Variants in MAP7 observed in about 807,000 individuals in gnomAD.
The protein encoded by MAP7 is microtubule associated protein 7.
Under a neutral mutation model 94.8 loss-of-function variants are expected in MAP7, and 52 were observed. The ratio of observed to expected loss-of-function variants is 0.55; its 90% CI spans 0.44 to 0.69. The LOEUF is 0.69. MAP7 is among the 30% of genes least tolerant of loss of function. The probability of loss-of-function intolerance (pLI) is 0.00; values close to 1 mark genes in which losing one functional copy is unlikely to be tolerated. For missense variants in MAP7, 940 were observed against 964.6 expected (o/e 0.97, Z 0.34); for synonymous variants, 350 against 357.0 (o/e 0.98, Z 0.22).
intron 2 of MAP7, among the ~76,000 whole-genome samples, chr6:136,417,387 C>A (rs1789840862): frequency 6.6e-6 from 1 of 152,144 alleles, no homozygotes; most frequent in African/African-American, 2.4e-5. Flanking sequence ...CCTGGATTGC[C>A]TTACACACAT....
At chr6:136,363,094 C>A (rs1027286333) in intron 10 of MAP7, among the ~76,000 whole-genome samples, 1 of 152,198 alleles carries the variant, frequency 6.6e-6, no homozygotes, top group Non-Finnish European at 1.5e-5. Flanking sequence ...GGTAACCATT[C>A]ATTACTAGAG....
chr6:136,504,227 TG>T (rs1820676018), intron 1 of MAP7, among the ~76,000 whole-genome samples: 1 of 152,092 alleles, frequency 6.6e-6, no homozygotes, highest in Admixed American at 6.5e-5. Flanking sequence ...ATTATCTCCC[TG>T]GGAAGGGAAA....
chr6:136,440,637 A>AT (rs1797566415), intron 1 of MAP7, among the ~76,000 whole-genome samples: 1 of 152,082 alleles, frequency 6.6e-6, no homozygotes, highest in Non-Finnish European at 1.5e-5. Flanking sequence ...GAAACTATAC[A>AT]TTTTGTATAT....
intron 13 of MAP7, among the ~76,000 whole-genome samples, 157 bp from the exon 14 acceptor site, chr6:136,360,188 G>A (rs1792157318): frequency 6.8e-6 from 1 of 147,614 alleles, no homozygotes; most frequent in Non-Finnish European, 1.5e-5. Flanking sequence ...GTCTTGCCCT[G>A]TCACGCAGGC....
intron 16 of MAP7, among the ~76,000 whole-genome samples, chr6:136,352,695 G>A (rs1160412268): frequency 6.6e-6 from 1 of 152,050 alleles, no homozygotes; most frequent in Non-Finnish European, 1.5e-5. Context: ...AAACATAATA[G>A]GAGGATTCAG....
At chr6:136,420,446 A>C (rs540064898) in intron 2 of MAP7, 143 of 493,680 alleles carry the variant, frequency 2.9e-4, no homozygotes, top group African/African-American at 2.3e-3. Context: ...TTTCATGCTA[A>C]AGAATTTCTA....
chr6:136,457,626 G>T (rs1018830360), intron 1 of MAP7, among the ~76,000 whole-genome samples: 1 of 152,016 alleles, frequency 6.6e-6, no homozygotes, highest in Non-Finnish European at 1.5e-5. Context: ...TTTATCCCTG[G>T]GATGTAAGAA....
chr6:136,377,645 C>A (rs1197294835), intron 7 of MAP7, 110 bp downstream of exon 7: 31 of 754,984 alleles, frequency 4.1e-5, no homozygotes, highest in Admixed American at 2.8e-4. Context: ...GACATTTCCA[C>A]CGGGGGAAGA....
chr6:136,453,351 T>G (rs1185107903), intron 1 of MAP7, among the ~76,000 whole-genome samples: 2 of 152,206 alleles, frequency 1.3e-5, no homozygotes, highest in South Asian at 4.1e-4. Context: ...TTAATGAACA[T>G]CCTATGTCAT....
intron 1 of MAP7, among the ~76,000 whole-genome samples, chr6:136,514,441 C>T (rs989281959): frequency 1.3e-5 from 2 of 151,928 alleles, no homozygotes; most frequent in Non-Finnish European, 2.9e-5. Context: ...AAAAAGTTAG[C>T]CAGGTGTGGT....
chr6:136,532,133 A>T (rs1290692315), intron 1 of MAP7, among the ~76,000 whole-genome samples: 1 of 152,180 alleles, frequency 6.6e-6, no homozygotes, highest in African/African-American at 2.4e-5. Context: ...CCCCAGAAAC[A>T]AAGCGAGCAC....
chr6:136,420,322 C>T, intron 2 of MAP7: 1 of 724,026 alleles, frequency 1.4e-6, no homozygotes, highest in African/African-American at 1.7e-5. Context: ...TGACCAACAC[C>T]ACCCGCTTGC....
At chr6:136,371,364 G>A (rs185033600) in intron 8 of MAP7, among the ~76,000 whole-genome samples, 1 of 152,302 alleles carries the variant, frequency 6.6e-6, no homozygotes, top group Non-Finnish European at 1.5e-5. Context: ...CAGCTAAGGA[G>A]GATCTCTGAA....
chr6:136,517,222 A>G (rs1213401817), intron 1 of MAP7, among the ~76,000 whole-genome samples: 6 of 152,246 alleles, frequency 3.9e-5, no homozygotes, highest in Non-Finnish European at 7.3e-5. Flanking sequence ...TCTGATTCAC[A>G]TGAACAAACA....
At chr6:136,388,943 C>A (rs933355914) in intron 4 of MAP7, among the ~76,000 whole-genome samples, 5 of 152,222 alleles carry the variant, frequency 3.3e-5, no homozygotes, top group African/African-American at 1.2e-4. Flanking sequence ...ACCTTACCCA[C>A]TCTGAGTCTA....
intron 1 of MAP7, among the ~76,000 whole-genome samples, chr6:136,501,880 A>G (rs565531834): frequency 6.6e-6 from 1 of 152,294 alleles, no homozygotes; most frequent in South Asian, 2.1e-4. Flanking sequence ...AGGGAGGATC[A>G]CAGTCTGGGT....
chr6:136,415,310 A>G (rs1041921887), intron 2 of MAP7, among the ~76,000 whole-genome samples: 1 of 152,230 alleles, frequency 6.6e-6, no homozygotes, highest in African/African-American at 2.4e-5. Context: ...CCATATGAGC[A>G]CATTATGGAA....
At chr6:136,412,950 G>A (rs1787962614) in intron 2 of MAP7, among the ~76,000 whole-genome samples, 1 of 152,004 alleles carries the variant, frequency 6.6e-6, no homozygotes, top group Non-Finnish European at 1.5e-5. Context: ...TGCCTGAGCT[G>A]AGGAGTTCGA....
chr6:136,468,962 C>A (rs889432364), intron 1 of MAP7, among the ~76,000 whole-genome samples: 3 of 151,888 alleles, frequency 2.0e-5, no homozygotes, highest in Non-Finnish European at 4.4e-5. Context: ...CAGTGCACCA[C>A]TCTTCCCTTA....
Sources: gnomAD v4.1 joint callset for allele counts (sites outside exome capture counted in the v4.1 genomes callset) on GRCh38, gnomAD v4.1.1 for gene constraint, MANE v1.5 for transcripts, NCBI Gene and HGNC (gene_info 2026-07-23, HGNC 2026-07-21) for gene names.